Variants in TCF4 observed in about 807,000 individuals in gnomAD.
TCF4 encodes the protein transcription factor 4.
A neutral mutation model predicts 82.1 loss-of-function variants in TCF4; 3 were observed. The ratio of observed to expected loss-of-function variants is 0.04; its 90% CI spans 0.02 to 0.09. The LOEUF is 0.09. Among genes scored for constraint, TCF4 ranks in the 10% least tolerant of loss-of-function variants. The pLI is 1.00. For synonymous variants in TCF4, 276 were observed against 309.6 expected (o/e 0.89, Z 1.14); for missense variants, 518 against 852.7 (o/e 0.61, Z 4.89).
intron 5 of TCF4, among the ~76,000 whole-genome samples, chr18:55,437,219 C>T (rs984154048): frequency 1.3e-5 from 2 of 152,198 alleles, no homozygotes; most frequent in African/African-American, 4.8e-5. Context: ...AATCTGCTAA[C>T]CCTTTTTCCT....
intron 5 of TCF4, among the ~76,000 whole-genome samples, chr18:55,435,377 T>G (rs2095307276): frequency 6.6e-6 from 1 of 152,260 alleles, no homozygotes; most frequent in Non-Finnish European, 1.5e-5. Context: ...GCTGAGTCTG[T>G]AACCATTTGG....
chr18:55,573,140 T>G (rs1603623913), intron 3 of TCF4, among the ~76,000 whole-genome samples: 2 of 152,074 alleles, frequency 1.3e-5, no homozygotes, highest in East Asian at 3.8e-4. Flanking sequence ...AAACTCAATC[T>G]AACTTTTCTC....
intron 5 of TCF4, among the ~76,000 whole-genome samples, chr18:55,418,933 T>C (rs1387098667): frequency 6.6e-6 from 1 of 152,164 alleles, no homozygotes; most frequent in Non-Finnish European, 1.5e-5. Context: ...CATACATACA[T>C]ATTTATAAAA....
chr18:55,344,076 A>ACTCCTTAT (rs1182771138), intron 8 of TCF4, among the ~76,000 whole-genome samples: 3 of 152,018 alleles, frequency 2.0e-5, no homozygotes, highest in Non-Finnish European at 4.4e-5. Context: ...TCTTGAAGAG[A>ACTCCTTAT]CTCCTTATTC....
At position 55,403,668 on chromosome 18, in the gene TCF4, C is replaced by T. The variant is rs910455708; in HGVS notation, c.305-150G>A. On this transcript the variant is annotated intron_variant, in intron 5 of 19. Coordinates refer to ENST00000354452, the MANE Select transcript of TCF4 (RefSeq NM_001083962.2). ...TGTATGCAAGCAAGAGAGGGAATAACACTTCCTCACTCTGGCTATGATAAA... is the reference window on the plus strand; with the variant it reads ...TGTATGCAAGCAAGAGAGGGAATAATACTTCCTCACTCTGGCTATGATAAA... The T allele has an allele frequency of 7.0e-6, 11 of 1,574,234 alleles. No individual in the cohort carries two copies. The highest frequency in any genetic ancestry group is 9.5e-6 in the Non-Finnish European group (11 of 1,159,732).
At chr18:55,360,957 C>T (rs2084998161) in intron 6 of TCF4, among the ~76,000 whole-genome samples, 1 of 152,004 alleles carries the variant, frequency 6.6e-6, no homozygotes, top group East Asian at 1.9e-4. Flanking sequence ...AATCTCTTGA[C>T]CTCGTGATCC....
intron 6 of TCF4, 32 bp downstream of exon 6, chr18:55,403,422 T>G: frequency 1.9e-6 from 3 of 1,612,480 alleles, no homozygotes; most frequent in Non-Finnish European, 2.5e-6. Flanking sequence ...GTTAATCCTC[T>G]CAACCCTTCC....
At chr18:55,586,013 G>A (rs1315354083) in intron 2 of TCF4, 2 of 1,354,274 alleles carry the variant, frequency 1.5e-6, no homozygotes, top group Non-Finnish European at 1.9e-6. Context: ...AGGAACGAAT[G>A]GAGAAAGTGC....
chr18:55,513,900 T>C (rs1442915335), intron 3 of TCF4, among the ~76,000 whole-genome samples: 1 of 152,224 alleles, frequency 6.6e-6, no homozygotes, highest in African/African-American at 2.4e-5. Flanking sequence ...AGCCAGCATA[T>C]ACTGGTAGTC....
intron 5 of TCF4, among the ~76,000 whole-genome samples, chr18:55,447,705 G>A (rs758368824): frequency 3.2e-4 from 48 of 152,138 alleles, no homozygotes; most frequent in Non-Finnish European, 5.1e-4. Context: ...TATTTATCAA[G>A]CAGCCAATGA....
rs182517701 is a variant in TCF4, at chr18:55,230,670, G to A, written c.1650-1594C>T. 5 of 152,224 alleles carry A rather than the reference G, an allele frequency of 3.3e-5. No individual in the cohort carries two copies. The East Asian group carries it at 7.7e-4, about 23-fold the overall frequency. 9.4% of individuals were successfully genotyped at this position (152,224 alleles called of 1,614,324 possible). On this transcript the variant is annotated intron_variant, in intron 17 of 19. Transcript: ENST00000354452. ...TAAAGATGATTAATCACAACATTTC[G>A]GAGTTGGAAGATGTGGGAAATTATC...
At chr18:55,423,923 G>C (rs1051901162) in intron 5 of TCF4, among the ~76,000 whole-genome samples, 5 of 152,156 alleles carry the variant, frequency 3.3e-5, no homozygotes, top group Non-Finnish European at 5.9e-5. Flanking sequence ...GGGGATGGGA[G>C]GGGAGATGAG....
intron 8 of TCF4, among the ~76,000 whole-genome samples, chr18:55,284,943 G>A (rs1023051835): frequency 1.3e-5 from 2 of 152,164 alleles, no homozygotes; most frequent in African/African-American, 2.4e-5. Context: ...GCATCTACTG[G>A]GGAAATATAC....
chr18:55,628,460 A>G lies in TCF4; in HGVS notation c.286+2838T>C, dbSNP rs188382049. The stretch of plus-strand genomic sequence containing the variant: ...TAAAAAGTTTTTTAATTGATGTACC[A>G]CTTAATCTTTTTAATAATCTTTTTT... On this transcript the variant is annotated intron_variant, in intron 2 of 20. Coordinates refer to the TCF4 transcript ENST00000398339. 6.2e-3 allele frequency among the ~76,000 whole-genome samples: 949 copies of G among 152,206 alleles called. 10 individuals carry two copies. The highest frequency in any genetic ancestry group is 9.8e-3 in the South Asian group (47 of 4,814).
At chr18:55,631,467 G>A in intron 1 of TCF4, 1 of 1,440,302 alleles carries the variant, frequency 6.9e-7, no homozygotes. Flanking sequence ...TGGTAGTCTG[G>A]GGAAGAAATG....
chr18:55,351,331 G>T, intron 6 of TCF4: 1 of 283,114 alleles, frequency 3.5e-6, no homozygotes, highest in Non-Finnish European at 6.8e-6. Context: ...CTAGACTGAG[G>T]CTCATATCTG....
intron 6 of TCF4, among the ~76,000 whole-genome samples, chr18:55,381,700 A>C (rs527766529): frequency 2.0e-5 from 3 of 152,186 alleles, no homozygotes; most frequent in Non-Finnish European, 4.4e-5. Flanking sequence ...AAATATCAAC[A>C]AAAGATGTGT....
chr18:55,325,606 A>G (rs1189817074), intron 8 of TCF4, among the ~76,000 whole-genome samples: 1 of 152,152 alleles, frequency 6.6e-6, no homozygotes, highest in African/African-American at 2.4e-5. Flanking sequence ...AGGAATTCCC[A>G]TTTTTCTCCT....
At chr18:55,347,015 T>G (rs1333903681) in intron 8 of TCF4, among the ~76,000 whole-genome samples, 1 of 152,176 alleles carries the variant, frequency 6.6e-6, no homozygotes, top group Non-Finnish European at 1.5e-5. Flanking sequence ...TAAAACAAAT[T>G]TGTTGAAATG....
Sources: allele counts gnomAD v4.1 joint callset (sites outside exome capture counted in the v4.1 genomes callset), GRCh38; gene constraint gnomAD v4.1.1; transcripts MANE v1.5; gene names NCBI Gene and HGNC (gene_info 2026-07-23, HGNC 2026-07-21).